The following IREB2 variants were observed in gnomAD, a reference collection of about 807,000 sequenced individuals.
IREB2 encodes the protein iron responsive element binding protein 2.
Under a neutral mutation model 118.8 loss-of-function variants are expected in IREB2, and 39 were observed. The observed-to-expected ratio is 0.33, with a 90% CI of 0.25 to 0.43. The LOEUF (loss-of-function observed/expected upper bound fraction) is 0.43, where lower values mean the gene tolerates loss of function less well. Ranked by LOEUF, IREB2 falls within the 20% of genes least tolerant of loss-of-function variation. The pLI is 1.00. For synonymous variants in IREB2, 372 were observed against 392.2 expected (o/e 0.95, Z 0.61); for missense variants, 900 against 1,147.3 (o/e 0.78, Z 3.11).
chr15:78,489,511 T>C lies in IREB2; in HGVS notation c.2076+740T>C, dbSNP rs138124142. Among the ~76,000 whole-genome samples the C allele has an allele frequency of 3.3e-5, 5 of 152,226 alleles. No homozygotes were observed. The East Asian group carries it at 9.7e-4, about 29-fold the overall frequency. ...TTATGCAATATTTATTATTTTTTAT[T>C]ATTTATTTTTTGGTGTTTTTTGGGA... On this transcript the variant is annotated intron_variant, in intron 16 of 21. Transcript: ENST00000258886.
rs556684865 is a variant in IREB2 at position 78,472,121 on chromosome 15, TAC to T, written c.883+201_883+202del. ...AAAAGAGGATTTATGAGAAGAAATT[TAC>T]ACAGTGTCTAGCACAGCACTACTAT... On this transcript the variant is annotated intron_variant, in intron 7 of 21. Transcript: ENST00000258886. 3.9e-5 allele frequency among the ~76,000 whole-genome samples: 6 copies of T among 152,348 alleles called. No individual in the cohort carries two copies. In the South Asian group the frequency reaches 8.3e-4, roughly 21 times the overall value.
intron 3 of IREB2, among the ~76,000 whole-genome samples, chr15:78,463,933 A>G (rs989895531): frequency 2.0e-5 from 3 of 152,122 alleles, no homozygotes; most frequent in African/African-American, 4.8e-5. Context: ...ATACACTCCC[A>G]TTTGTTTAGG....
rs1001762082 is a variant in IREB2, at chr15:78,473,329, G to A, written c.971G>A (p.Gly324Glu). 38 of 1,613,610 alleles carry A rather than the reference G, an allele frequency of 2.4e-5. 1 individual carries two copies. The highest frequency in any genetic ancestry group is 1.7e-6 in the Non-Finnish European group (2 of 1,179,746). ...GAGGTGGTTGGATGTGAGTTAACTG[G>A]GTCATCAAACCCTTTTGTTACATCC... ...LPEVVGCELT[G>E]SSNPFVTSID... Residue 324 changes from glycine (G) to glutamate (E), a missense_variant, in exon 8 of 22, where the codon GGG becomes GAG. Coordinates refer to ENST00000258886, the MANE Select transcript of IREB2 (RefSeq NM_004136.4).
chr15:78,469,718 C>G (rs1383171491), intron 5 of IREB2, among the ~76,000 whole-genome samples: 2 of 151,604 alleles, frequency 1.3e-5, no homozygotes, highest in Non-Finnish European at 2.9e-5. Flanking sequence ...GAGCGAAACT[C>G]CGTCTCAAAA....
At position 78,470,573 on chromosome 15, in the gene IREB2, G is replaced by A; in HGVS notation, c.671G>A (p.Arg224Lys). 1.3e-6 allele frequency: 2 copies of A among 1,590,474 alleles called. No homozygotes were observed. The highest frequency in any genetic ancestry group is 1.1e-5 in the South Asian group (1 of 87,690). ...VLKNQEVEFG[R>K]NRERLQFFKW... is the part of the protein sequence containing the mutation. ...AAAAATCAAGAAGTAGAATTCGGCA[G>A]AAATCGAGAGAGGCTTCAGTTTTTT... is the stretch of plus-strand genomic sequence containing the variant. Residue 224 changes from arginine (R) to lysine (K), a missense_variant, in exon 6 of 22, where the codon AGA (arginine) becomes AAA (lysine). By Grantham distance (26) the Arg-to-Lys change is conservative (BLOSUM62 2). Transcript: ENST00000258886.
chr15:78,482,274 G>A (rs138012868), intron 10 of IREB2, among the ~76,000 whole-genome samples: 1 of 152,160 alleles, frequency 6.6e-6, no homozygotes, highest in Admixed American at 6.5e-5. Context: ...GTAAGTAGTT[G>A]GATCAGTCAG....
At chr15:78,466,639 A>G in intron 5 of IREB2, 150 bp downstream of exon 5, 2 of 611,998 alleles carry the variant, frequency 3.3e-6, no homozygotes, top group Non-Finnish European at 5.7e-6. Flanking sequence ...CTGTTATACT[A>G]AAAGAAGTAA....
In IREB2 at chr15:78,483,453, A is replaced by G; in HGVS notation, c.1413+19A>G. ...TGAAAAGGTAGGTTACTTTATTCTT[A>G]TCCGTGTTTTTCAACCCGCTTTGTG... On this transcript the variant is annotated intron_variant, in intron 11 of 21. Coordinates refer to ENST00000258886, the MANE Select transcript of IREB2 (RefSeq NM_004136.4). 7.3e-7 allele frequency: 1 copy of G among 1,375,994 alleles called. No homozygotes were observed. 85.2% of individuals were successfully genotyped at this position (1,375,994 alleles called of 1,614,324 possible).
intron 2 of IREB2, among the ~76,000 whole-genome samples, chr15:78,441,052 G>A (rs376350201): frequency 1.3e-5 from 2 of 152,234 alleles, no homozygotes; most frequent in East Asian, 1.9e-4. Context: ...TTTGGAAGGA[G>A]CTTTAATCTT....
At chr15:78,477,024 T>C (rs959672466) in intron 9 of IREB2, among the ~76,000 whole-genome samples, 3 of 152,220 alleles carry the variant, frequency 2.0e-5, no homozygotes, top group African/African-American at 7.2e-5. Context: ...GGAGGATATA[T>C]TCTAGTATTC....
chr15:78,488,553 C>A, intron 15 of IREB2, 94 bp from the exon 16 acceptor site: 3 of 1,264,700 alleles, frequency 2.4e-6, no homozygotes, highest in Non-Finnish European at 3.3e-6. Context: ...CCTGTTGAAT[C>A]ATTTACTTGA....
At chr15:78,446,969 A>C (rs1021573943) in intron 2 of IREB2, among the ~76,000 whole-genome samples, 4 of 152,198 alleles carry the variant, frequency 2.6e-5, no homozygotes, top group Non-Finnish European at 5.9e-5. Flanking sequence ...AATTTCTGTC[A>C]GTGAATGAAG....
At chr15:78,438,478 T>A in intron 1 of IREB2, 122 bp downstream of exon 1, 1 of 1,153,170 alleles carries the variant, frequency 8.7e-7, no homozygotes, top group Non-Finnish European at 1.3e-6. Flanking sequence ...GGGCTCGGGT[T>A]GTGCTCCCCT....
At chr15:78,437,923 C>A (rs2050776862), upstream of IREB2, among the ~76,000 whole-genome samples, 1 of 152,226 alleles carries the variant, frequency 6.6e-6, no homozygotes, top group African/African-American at 2.4e-5. Context: ...AGACACCTTG[C>A]GGGAACGCAA....
intron 3 of IREB2, among the ~76,000 whole-genome samples, chr15:78,463,491 T>G (rs949740139): frequency 1.4e-5 from 2 of 138,058 alleles, no homozygotes; most frequent in African/African-American, 5.7e-5. Context: ...GATGGCTCTG[T>G]GTTTTTTTGT....
At chr15:78,466,667 A>G (rs1027961502) in intron 5 of IREB2, among the ~76,000 whole-genome samples, 178 bp downstream of exon 5, 2 of 152,100 alleles carry the variant, frequency 1.3e-5, no homozygotes, top group Admixed American at 6.5e-5. Context: ...GAAAATGGTG[A>G]TCTCTAAGTA....
rs957810629 is a variant in IREB2 at position 78,466,139 on chromosome 15, T to G, written c.411-132T>G. ...CTGAGATTTGCCTTTGAAACCTGAG[T>G]TAAATGATACATTAGCCTTTAAACA... On this transcript the variant is annotated intron_variant, in intron 4 of 21. Coordinates refer to ENST00000258886, the MANE Select transcript of IREB2 (RefSeq NM_004136.4). The G allele has an allele frequency of 1.1e-5, 6 of 537,066 alleles. No individual in the cohort carries two copies. The African/African-American group carries it at 1.1e-4, about 10-fold the overall frequency. 33.3% of individuals were successfully genotyped at this position (537,066 alleles called of 1,614,324 possible).
At chr15:78,472,026 T>G in intron 7 of IREB2, 102 bp downstream of exon 7, 1 of 812,452 alleles carries the variant, frequency 1.2e-6, no homozygotes, top group Non-Finnish European at 1.8e-6. Flanking sequence ...TCTTTGAGGC[T>G]CTGTGTTTTT....
In IREB2 at chr15:78,498,333, G is replaced by A. The variant is rs2051877066; in HGVS notation, c.*190G>A. 1 of 400,044 alleles carries A rather than the reference G, an allele frequency of 2.5e-6. No individual in the cohort carries two copies. The highest frequency in any genetic ancestry group is 2.1e-5 in the African/African-American group (1 of 47,954). 24.8% of individuals were successfully genotyped at this position (400,044 alleles called of 1,614,324 possible). ...CTTGATTTTAAATAATATACGAATG[G>A]TGCTATTAATATTGCTAAAATCAAC... is the stretch of plus-strand genomic sequence containing the variant. On this transcript the variant is annotated 3_prime_UTR_variant, in exon 22 of 22. Transcript: ENST00000258886.
Sources: gnomAD v4.1 joint callset for allele counts (sites outside exome capture counted in the v4.1 genomes callset) on GRCh38, gnomAD v4.1.1 for gene constraint, MANE v1.5 for transcripts, NCBI Gene and HGNC (gene_info 2026-07-23, HGNC 2026-07-21) for gene names.